Variants in EML3 observed in about 807,000 individuals in gnomAD.
The protein encoded by EML3 is echinoderm microtubule-associated protein-like 3.
EML3 carries 53 observed loss-of-function variants against 106.7 expected under a neutral mutation model. The ratio of observed to expected loss-of-function variants is 0.50; its 90% CI spans 0.40 to 0.62. The LOEUF (loss-of-function observed/expected upper bound fraction) is 0.62, where lower values mean the gene tolerates loss of function less well. Among genes scored for constraint, EML3 ranks in the 20% least tolerant of loss-of-function variants. The pLI is 0.00. For missense variants in EML3, 994 were observed against 1,209.1 expected, an observed-to-expected ratio of 0.82 and a Z score of 2.64; for synonymous variants, 499 against 489.6, an observed-to-expected ratio of 1.02 and a Z score of -0.25.
chr11:62,606,356 C>CATCT, intron 12 of EML3, 142 bp from the exon 13 acceptor site: 1 of 956,878 alleles, frequency 1.0e-6, no homozygotes, highest in Non-Finnish European at 1.5e-6. Context: ...ACTGCCAACA[C>CATCT]ATCTGTTATT....
At chr11:62,606,303 C>T in intron 12 of EML3, 89 bp from the exon 13 acceptor site, 1 of 1,466,962 alleles carries the variant, frequency 6.8e-7, no homozygotes, top group Non-Finnish European at 9.2e-7. Context: ...ACAGTAAGAA[C>T]TCCCAGCCAT....
rs747222474 is a variant in EML3, at chr11:62,609,398, C to T, written c.714G>A (p.Glu238=). Residue 238 remains glutamate, a synonymous_variant, in exon 6 of 22, where the codon GAG becomes GAA. Transcript: ENST00000394773. ...YIPSGIRSLE[E]LPSGPPPETL... ...TCTCTGGCGGTGGGCCACTCGGCAGCTCCTCAAGGCTGCGGATGCCAGACG... is the reference window on the plus strand; with the variant it reads ...TCTCTGGCGGTGGGCCACTCGGCAGTTCCTCAAGGCTGCGGATGCCAGACG... 16 of 1,599,532 alleles carry T rather than the reference C, an allele frequency of 1.0e-5. No individual in the cohort carries two copies. The highest frequency in any genetic ancestry group is 9.4e-5 in the African/African-American group (7 of 74,382).
At position 62,606,208 on chromosome 11, in the gene EML3, T is replaced by C; in HGVS notation, c.1511A>G (p.Tyr504Cys). 2 of 1,613,716 alleles carry C rather than the reference T, an allele frequency of 1.2e-6. No homozygotes were observed. The highest frequency in any genetic ancestry group is 1.7e-6 in the Non-Finnish European group (2 of 1,179,962). Reference protein sequence around the residue: ...TPGRGGAKETYGIVAQAHAHE... With the variant: ...TPGRGGAKETCGIVAQAHAHE... ...AGCGTGAGCCTGGGCCACAATCCCA[T>C]AGGTCTCTGTTGGCAAAGCCCCAGG... The change falls in exon 13 of 22, where the codon TAT becomes TGT. Residue 504 changes from tyrosine (Y) to cysteine (C), a missense_variant. By Grantham distance (194) the Tyr-to-Cys change is radical. Transcript: ENST00000394773.
In EML3 at chr11:62,605,887, C is replaced by A. The variant is rs898506954; in HGVS notation, c.1750G>T (p.Asp584Tyr). 2.5e-6 allele frequency: 4 copies of A among 1,614,110 alleles called. No individual in the cohort carries two copies. The highest frequency in any genetic ancestry group is 4.5e-5 in the East Asian group (2 of 44,896). The stretch of plus-strand genomic sequence containing the variant: ...ACAGGGGAGAAGCCCTGGGCCAGGT[C>A]TCCCCTCAGCAATGCATTCTTCGTG... ...GTTKNALLRG[D>Y]LAQGFSPVIQ... The change falls in exon 14 of 22, where the codon GAC becomes TAC. Residue 584 changes from aspartate (D) to tyrosine (Y), a missense_variant. Coordinates refer to ENST00000394773, the MANE Select transcript of EML3 (RefSeq NM_153265.3). The surrounding 1 kb of genome is among the most constrained non-coding windows in gnomAD (Gnocchi z 5.2).
At position 62,603,208 on chromosome 11, in the gene EML3, T is replaced by C; in HGVS notation, c.2297A>G (p.Tyr766Cys). The part of the protein sequence containing the change: ...AGGCKQLKNR[Y>C]ESRDREWATY... ...AGCCCATTCCCGGTCTCGGCTCTCA[T>C]AGCGATTCTTCAGCTGCTTGCAGCC... The change falls in exon 20 of 22, where the codon TAT becomes TGT. Residue 766 changes from tyrosine (Y) to cysteine (C), a missense_variant. Physicochemically the swap from Tyr to Cys is radical, Grantham distance 194 (BLOSUM62 -2). Transcript: ENST00000394773. 4 of 1,613,950 alleles carry C rather than the reference T, an allele frequency of 2.5e-6. No individual in the cohort carries two copies. Among genetic ancestry groups the C allele is most frequent in the Non-Finnish European group, 3.4e-6 (4 of 1,180,004 alleles).
Position 62,605,977 on chromosome 11 carries a change from G to C in EML3, c.1660C>G (p.Pro554Ala). The C allele has an allele frequency of 6.2e-7, 1 of 1,614,046 alleles. No homozygotes were observed. Residue 554 changes from proline to alanine, a missense_variant, in exon 14 of 22, where the codon CCC becomes GCC. Pro to Ala is a conservative substitution (Grantham distance 27). This residue lies in a region of EML3 where 713 missense variants were observed against 920.5 expected (regional missense o/e 0.77). Coordinates refer to ENST00000394773, the MANE Select transcript of EML3 (RefSeq NM_153265.3). This position sits in a 1 kb window ranked among gnomAD's most constrained non-coding sequence, Gnocchi z 5.2. ...GLVALQEAEI[P>A]EHFGAVRAIA... ...GCTCGCACGGCCCCGAAGTGCTCGG[G>C]AATCTGCAGAGTGGTAGCAGAATGT...
chr11:62,606,241 T>C lies in EML3; in HGVS notation c.1505-27A>G, dbSNP rs201341988. 1,320 of 1,609,266 alleles carry C rather than the reference T, an allele frequency of 8.2e-4. 4 individuals carry two copies. Among genetic ancestry groups the C allele is most frequent in the Non-Finnish European group, 6.3e-4 (740 of 1,177,896 alleles). ...TGTTGGCAAAGCCCCAGGTAGATCA[T>C]GTTTTGGGGGTGCAGGGGAGTGAGA... On this transcript the variant is annotated intron_variant, in intron 12 of 21. Coordinates refer to ENST00000394773, the MANE Select transcript of EML3 (RefSeq NM_153265.3).
In EML3 at chr11:62,602,292, G is replaced by A; in HGVS notation, c.*183C>T. 6.4e-7 allele frequency: 1 copy of A among 1,550,652 alleles called. No homozygotes were observed. Among genetic ancestry groups the A allele is most frequent in the Non-Finnish European group, 8.7e-7 (1 of 1,146,818 alleles). ...GCCTAGGCTGGGGCTGCCCGGCTCAGCCAGCGGGTCTAAACAGTGTGTGCA... is the reference window on the plus strand; with the variant it reads ...GCCTAGGCTGGGGCTGCCCGGCTCAACCAGCGGGTCTAAACAGTGTGTGCA... On this transcript the variant is annotated 3_prime_UTR_variant, in exon 22 of 22. Transcript: ENST00000394773.
At chr11:62,606,296 G>A (rs1482621133) in intron 12 of EML3, 82 bp from the exon 13 acceptor site, 1 of 1,501,198 alleles carries the variant, frequency 6.7e-7, no homozygotes, top group African/African-American at 1.4e-5. Context: ...TCGCAATACA[G>A]TAAGAACTCC....
At chr11:62,603,665 GCCC>G in intron 19 of EML3, 61 bp downstream of exon 19, 5 of 1,372,840 alleles carry the variant, frequency 3.6e-6, no homozygotes, top group Non-Finnish European at 4.1e-6. Context: ...ACCTCTAACA[GCCC>G]CCCCTACACA....
intron 13 of EML3, 28 bp from the exon 14 acceptor site, chr11:62,606,008 G>A (rs546328269): frequency 1.9e-6 from 3 of 1,613,642 alleles, no homozygotes; most frequent in South Asian, 1.1e-5. Flanking sequence ...AATGTCAAGA[G>A]CCCACTGACT....
chr11:62,602,783 G>T lies in EML3; in HGVS notation c.2463C>A (p.Phe821Leu). 1 of 1,611,732 alleles carries T rather than the reference G, an allele frequency of 6.2e-7. No individual in the cohort carries two copies. Among genetic ancestry groups the T allele is most frequent in the Non-Finnish European group, 8.5e-7 (1 of 1,179,484 alleles). ...CCTTGGCACGAGCGCACGGGTACTG[G>T]AAGAGATGCACTTTGCAGAAGTCGT... is the stretch of plus-strand genomic sequence containing the variant. ...VADDFCKVHLFQYPCARAKAP... is the reference protein window; with the variant it reads ...VADDFCKVHLLQYPCARAKAP... The change falls in exon 21 of 22, where the codon TTC becomes TTA. Residue 821 changes from phenylalanine (F) to leucine (L), a missense_variant. Coordinates refer to ENST00000394773, the MANE Select transcript of EML3 (RefSeq NM_153265.3).
intron 4 of EML3, among the ~76,000 whole-genome samples, 185 bp from the exon 5 acceptor site, chr11:62,609,881 A>T (rs1942726479): frequency 1.3e-5 from 2 of 152,144 alleles, no homozygotes; most frequent in Non-Finnish European, 2.9e-5. Context: ...AGATAAGAAG[A>T]TTGAGGCTGA....
At chr11:62,609,718 C>T (rs775281185) in intron 4 of EML3, 22 bp from the exon 5 acceptor site, 1 of 1,584,184 alleles carries the variant, frequency 6.3e-7, no homozygotes, top group Non-Finnish European at 8.6e-7. Context: ...AGAGAAAGCA[C>T]AGGGATTGGG....
At chr11:62,611,872 T>G (rs1258325555) in intron 1 of EML3, 1 of 507,746 alleles carries the variant, frequency 2.0e-6, no homozygotes, top group East Asian at 3.5e-5. Flanking sequence ...GGGGGAAATA[T>G]GGAGTACTGC....
Position 62,605,858 on chromosome 11 carries a change from GA to G in EML3, c.1778del (p.Ile593ThrfsTer63). ...GDLAQGFSPV[I>X]QGHTDELWGL... is the part of the protein sequence containing the mutation. The stretch of plus-strand genomic sequence containing the variant: ...CCCTGAGCCCTTAACCCCCAACCTG[GA>G]TTACAGGGGAGAAGCCCTGGGCCAG... On this transcript the variant is annotated frameshift_variant, in exon 14 of 22. Coordinates refer to ENST00000394773, the MANE Select transcript of EML3 (RefSeq NM_153265.3). LOFTEE classifies it high-confidence loss of function. The surrounding 1 kb of genome is among the most constrained non-coding windows in gnomAD (Gnocchi z 5.2). 1 of 1,614,068 alleles carries G rather than the reference GA, an allele frequency of 6.2e-7. No individual in the cohort carries two copies. Among genetic ancestry groups the G allele is most frequent in the African/African-American group, 1.3e-5 (1 of 75,032 alleles).
At chr11:62,608,070 G>T in intron 10 of EML3, 131 bp downstream of exon 10, 1 of 935,758 alleles carries the variant, frequency 1.1e-6, no homozygotes, top group Non-Finnish European at 1.7e-6. Context: ...AAGGGTCAGA[G>T]AAGCTAGGAG....
In EML3 at chr11:62,609,059, C is replaced by T. The variant is rs144475083; in HGVS notation, c.832G>A (p.Ala278Thr). Reference sequence around the variant, plus strand: ...GGCCGGTACAGCACCACCACACAGGCGATAAAGTAGACCACCTCCCCAGAG... The same window carrying T: ...GGCCGGTACAGCACCACCACACAGGTGATAAAGTAGACCACCTCCCCAGAG... ...LRSGEVVYFIACVVVLYRPGG... is the reference protein window; with the variant it reads ...LRSGEVVYFITCVVVLYRPGG... The change falls in exon 7 of 22, where the codon GCC becomes ACC. Residue 278 changes from alanine to threonine, a missense_variant. Physicochemically the swap from Ala to Thr is moderately conservative, Grantham distance 58. Around this residue, in one of 3 missense-constraint regions of EML3, gnomAD observed 713 missense variants for 920.5 expected, o/e 0.77. Coordinates refer to ENST00000394773, the MANE Select transcript of EML3 (RefSeq NM_153265.3). The T allele has an allele frequency of 5.0e-6, 8 of 1,613,888 alleles. No homozygotes were observed. Among genetic ancestry groups the T allele is most frequent in the Non-Finnish European group, 6.8e-6 (8 of 1,180,030 alleles).
At chr11:62,608,704 C>T (rs1196587764) in intron 8 of EML3, 32 bp downstream of exon 8, 1 of 1,613,888 alleles carries the variant, frequency 6.2e-7, no homozygotes. Flanking sequence ...GCAATTCCAG[C>T]ATGTCTGCCT....
Sources: gnomAD v4.1 joint callset for allele counts (sites outside exome capture counted in the v4.1 genomes callset) on GRCh38, gnomAD v4.1.1 for gene constraint, gnomAD v4.1.1 regional missense constraint, Gnocchi (gnomAD v3.1) non-coding constraint, MANE v1.5 for transcripts, NCBI Gene and HGNC (gene_info 2026-07-23, HGNC 2026-07-21) for gene names.